Variants in SPINK8 observed in about 807,000 individuals in gnomAD.
The protein encoded by SPINK8 is serine peptidase inhibitor Kazal type 8 (putative), also known as serine protease inhibitor Kazal-type 8.
A neutral mutation model predicts 14.4 loss-of-function variants in SPINK8; 12 were observed. That is an observed-to-expected ratio of 0.83 (90% CI 0.53 to 1.35). The LOEUF (loss-of-function observed/expected upper bound fraction) is 1.35. Ranked by LOEUF, SPINK8 falls within the 40% of genes most tolerant of loss-of-function variation. The probability of loss-of-function intolerance (pLI) is 0.00; values close to 1 mark genes in which losing one functional copy is unlikely to be tolerated. For synonymous variants in SPINK8, 32 were observed against 37.6 expected (o/e 0.85, Z 0.55); for missense variants, 103 against 117.0 (o/e 0.88, Z 0.55).
intron 1 of SPINK8, among the ~76,000 whole-genome samples, chr3:48,332,744 G>A (rs1424878102): frequency 6.6e-6 from 1 of 152,218 alleles, no homozygotes; most frequent in Non-Finnish European, 1.5e-5. Flanking sequence ...TTTGGGGTTA[G>A]TATCTGATCT....
intron 4 of SPINK8, among the ~76,000 whole-genome samples, chr3:48,326,286 T>C (rs2036140215): frequency 6.6e-6 from 1 of 152,220 alleles, no homozygotes; most frequent in African/African-American, 2.4e-5. Flanking sequence ...ACATTCTTGC[T>C]GTTCCTACCT....
chr3:48,314,752 G>A (rs997135297), intron 6 of SPINK8, among the ~76,000 whole-genome samples: 2 of 152,174 alleles, frequency 1.3e-5, no homozygotes, highest in Non-Finnish European at 2.9e-5. Flanking sequence ...GTGTGTAACA[G>A]TTGTGAAAAA....
At chr3:48,325,088 ATAT>A (rs1257878002) in intron 4 of SPINK8, among the ~76,000 whole-genome samples, 3 of 152,032 alleles carry the variant, frequency 2.0e-5, no homozygotes, top group African/African-American at 7.2e-5. Flanking sequence ...ATTTTGTCTG[ATAT>A]TAGTATAGCC....
intron 4 of SPINK8, among the ~76,000 whole-genome samples, chr3:48,322,508 G>T (rs1004028907): frequency 2.0e-5 from 3 of 152,048 alleles, no homozygotes; most frequent in African/African-American, 7.2e-5. Context: ...GCTAATTTTT[G>T]TATTTTTAGT....
At position 48,306,893 on chromosome 3, in the gene SPINK8, A is replaced by C; in HGVS notation, c.*99T>G. 1.8e-5 allele frequency: 23 copies of C among 1,262,770 alleles called. No individual in the cohort carries two copies. The South Asian group carries it at 1.9e-4, about 10-fold the overall frequency. The allele number at this position is 1,262,770 out of a possible 1,614,324, so 78.2% of individuals were successfully genotyped here. ...GACATAAATCAACGAGTTTGATCCA[A>C]CCATTAGTAATTAAAGGGGATATAT... On this transcript the variant is annotated 3_prime_UTR_variant, in exon 8 of 8. Transcript: ENST00000434006.
At chr3:48,309,860 C>G in intron 7 of SPINK8, 44 bp downstream of exon 7, 1 of 1,438,250 alleles carries the variant, frequency 7.0e-7, no homozygotes, top group South Asian at 1.5e-5. Context: ...CTTAACTTAT[C>G]TAGTTTACTT....
chr3:48,319,872 G>A (rs189228677), intron 5 of SPINK8, among the ~76,000 whole-genome samples: 11 of 152,220 alleles, frequency 7.2e-5, no homozygotes, highest in East Asian at 3.9e-4. Flanking sequence ...GGCCGGGCGC[G>A]GTGGCTCATG....
In SPINK8 at chr3:48,321,023, A is replaced by G; in HGVS notation, c.117+2T>C. On this transcript the variant is annotated splice_donor_variant, in intron 5 of 7. Transcript: ENST00000434006. LOFTEE classifies it high-confidence loss of function. ...ATTAGGAACCAAGGAAGCAGTACTCACTATTGTTTTGTCTAGCTGACCTCT... is the reference window on the plus strand; with the variant it reads ...ATTAGGAACCAAGGAAGCAGTACTCGCTATTGTTTTGTCTAGCTGACCTCT... The G allele has an allele frequency of 6.3e-7, 1 of 1,589,042 alleles. No homozygotes were observed.
intron 7 of SPINK8, among the ~76,000 whole-genome samples, chr3:48,309,061 T>C (rs1298346863): frequency 6.6e-6 from 1 of 152,244 alleles, no homozygotes; most frequent in Admixed American, 6.5e-5. Flanking sequence ...TGACCGTCCC[T>C]AAGTGAGTAA....
intron 6 of SPINK8, among the ~76,000 whole-genome samples, chr3:48,315,489 G>A (rs1223274113): frequency 6.6e-6 from 1 of 152,076 alleles, no homozygotes; most frequent in Admixed American, 6.6e-5. Context: ...GGGAGGCTGA[G>A]GCAGGTGGAT....
At chr3:48,309,843 G>A (rs2035899871) in intron 7 of SPINK8, 61 bp downstream of exon 7, 1 of 1,412,128 alleles carries the variant, frequency 7.1e-7, no homozygotes, top group Non-Finnish European at 9.2e-7. Context: ...CTCTAAAACA[G>A]TGAGCTCTTA....
chr3:48,308,752 C>A (rs1458641673), intron 7 of SPINK8, among the ~76,000 whole-genome samples: 4 of 152,210 alleles, frequency 2.6e-5, no homozygotes, highest in Non-Finnish European at 1.5e-5. Context: ...ATAAGTGATT[C>A]TTAGAACACT....
intron 7 of SPINK8, among the ~76,000 whole-genome samples, chr3:48,309,242 C>A (rs2035890148): frequency 6.6e-6 from 1 of 152,172 alleles, no homozygotes; most frequent in Non-Finnish European, 1.5e-5. Flanking sequence ...AGTCTTGTTG[C>A]CACGCCTCAT....
intron 7 of SPINK8, among the ~76,000 whole-genome samples, chr3:48,309,112 T>C (rs1022429915): frequency 2.0e-5 from 3 of 152,218 alleles, no homozygotes; most frequent in Non-Finnish European, 4.4e-5. Flanking sequence ...CCTGTGAGTT[T>C]GTCATGGAGA....
At chr3:48,326,281 C>A (rs2036140134) in intron 4 of SPINK8, among the ~76,000 whole-genome samples, 1 of 152,156 alleles carries the variant, frequency 6.6e-6, no homozygotes, top group Non-Finnish European at 1.5e-5. Flanking sequence ...TCTACACATT[C>A]TTGCTGTTCC....
At chr3:48,321,112 T>C (rs1024657141) in intron 4 of SPINK8, 38 bp from the exon 5 acceptor site, 1 of 1,554,476 alleles carries the variant, frequency 6.4e-7, no homozygotes, top group Non-Finnish European at 8.7e-7. Flanking sequence ...GTTGCTTCTC[T>C]GTCTTCTGCC....
At chr3:48,313,084 T>C (rs2035944611) in intron 6 of SPINK8, among the ~76,000 whole-genome samples, 1 of 151,736 alleles carries the variant, frequency 6.6e-6, no homozygotes, top group Non-Finnish European at 1.5e-5. Flanking sequence ...GATTTTACAG[T>C]GGTTTTTTGG....
chr3:48,315,326 A>G (rs537109680), intron 6 of SPINK8, among the ~76,000 whole-genome samples: 10 of 152,208 alleles, frequency 6.6e-5, no homozygotes, highest in Non-Finnish European at 1.3e-4. Flanking sequence ...AAAAGAAAGT[A>G]TGGCTCGCAT....
In SPINK8 at chr3:48,321,055, G is replaced by T; in HGVS notation, c.87C>A (p.Ala29=). 1 of 1,588,252 alleles carries T rather than the reference G, an allele frequency of 6.3e-7. No homozygotes were observed. Among genetic ancestry groups the T allele is most frequent in the Non-Finnish European group, 8.6e-7 (1 of 1,166,086 alleles). Residue 29 remains alanine, a synonymous_variant, in exon 5 of 8, where the codon GCC becomes GCA. Transcript: ENST00000434006. The part of the protein sequence containing the change: ...AFAIDFPLPM[A]SERGQLDKTI... Reference sequence around the variant, plus strand: ...TTTTGTCTAGCTGACCTCTTTCAGAGGCCATAGGAAGGGGGAAGTCTGGAA... The same window carrying T: ...TTTTGTCTAGCTGACCTCTTTCAGATGCCATAGGAAGGGGGAAGTCTGGAA...
Sources: gnomAD v4.1 joint callset for allele counts (sites outside exome capture counted in the v4.1 genomes callset) on GRCh38, gnomAD v4.1.1 for gene constraint, MANE v1.5 for transcripts, NCBI Gene and HGNC (gene_info 2026-07-23, HGNC 2026-07-21) for gene names.